Variants in GPR107 observed in about 807,000 individuals in gnomAD.
GPR107 encodes the protein protein GPR107.
In GPR107, 31 loss-of-function variants were observed where a neutral mutation model predicts 75.5. The ratio of observed to expected loss-of-function variants is 0.41; its 90% confidence interval spans 0.31 to 0.55. GPR107 has a LOEUF of 0.55. Ranked by LOEUF, GPR107 falls within the 20% of genes least tolerant of loss-of-function variation. The pLI is 0.26. For missense variants in GPR107, 572 were observed against 665.7 expected, an observed-to-expected ratio of 0.86 and a Z score of 1.55; for synonymous variants, 267 against 251.3, an observed-to-expected ratio of 1.06 and a Z score of -0.59.
chr9:130,108,034 T>G (rs1831202155), intron 14 of GPR107, among the ~76,000 whole-genome samples: 1 of 152,238 alleles, frequency 6.6e-6, no homozygotes, highest in African/African-American at 2.4e-5. Context: ...GTTGTGCCCT[T>G]TATAGCCCTT....
At chr9:130,125,145 C>G (rs1405371957) in intron 15 of GPR107, among the ~76,000 whole-genome samples, 181 bp downstream of exon 15, 1 of 119,578 alleles carries the variant, frequency 8.4e-6, no homozygotes, top group African/African-American at 3.3e-5. Flanking sequence ...GTCACCCAGG[C>G]TGGAGTGCAG....
intron 14 of GPR107, among the ~76,000 whole-genome samples, chr9:130,115,470 A>T (rs1447721739): frequency 1.5e-5 from 1 of 67,822 alleles, no homozygotes; most frequent in Admixed American, 1.5e-4. Context: ...GTTTTCTTTT[A>T]AAAAAAAAAA....
chr9:130,087,387 G>T (rs929349653), intron 7 of GPR107, among the ~76,000 whole-genome samples: 2 of 152,036 alleles, frequency 1.3e-5, no homozygotes, highest in African/African-American at 2.4e-5. Flanking sequence ...ATAAAAAATG[G>T]CAGGGCGTGG....
chr9:130,072,497 G>A (rs376162371), intron 1 of GPR107, among the ~76,000 whole-genome samples: 1 of 151,876 alleles, frequency 6.6e-6, no homozygotes, highest in African/African-American at 2.4e-5. Flanking sequence ...GGGATTACAG[G>A]TGTGAGCCAC....
intron 9 of GPR107, among the ~76,000 whole-genome samples, chr9:130,097,377 A>C (rs1830900326): frequency 6.7e-6 from 1 of 149,732 alleles, no homozygotes. Context: ...CAGGTCTTGA[A>C]CTCCTGGCCT....
chr9:130,070,163 A>ATTT (rs559425211), intron 1 of GPR107, among the ~76,000 whole-genome samples: 1 of 125,014 alleles, frequency 8.0e-6, no homozygotes, highest in African/African-American at 3.0e-5. Flanking sequence ...CACCCGGCTA[A>ATTT]TTTTTTTTTT....
At chr9:130,077,509 G>A in intron 4 of GPR107, 131 bp downstream of exon 4, 3 of 637,194 alleles carry the variant, frequency 4.7e-6, no homozygotes, top group East Asian at 5.4e-5. Flanking sequence ...TCAAGACAAG[G>A]CTAGGGAGAC....
rs117684547 is a variant in GPR107, at chr9:130,118,737, G to A, written c.1307-6178G>A. Among the ~76,000 whole-genome samples, 24 of 152,214 alleles carry A rather than the reference G, an allele frequency of 1.6e-4. No homozygotes were observed. In the East Asian group the frequency reaches 4.6e-3, roughly 29 times the overall value. ...GCCTGATTCCCTAAGATGGGCAGGG[G>A]CAGGGGCAGCCTGGGCATCTATACT... On this transcript the variant is annotated intron_variant, in intron 14 of 17. Transcript: ENST00000347136.
chr9:130,105,881 A>G (rs1385802433), intron 13 of GPR107, among the ~76,000 whole-genome samples: 2 of 151,422 alleles, frequency 1.3e-5, no homozygotes, highest in Non-Finnish European at 2.9e-5. Flanking sequence ...GCTGGTCTCA[A>G]ACTCCTGGGT....
intron 14 of GPR107, among the ~76,000 whole-genome samples, chr9:130,122,992 CA>C (rs1239711527): frequency 2.0e-5 from 3 of 151,536 alleles, no homozygotes; most frequent in Non-Finnish European, 4.4e-5. Flanking sequence ...AGACCTCTCT[CA>C]AAAAAAACAA....
At chr9:130,090,076 G>A (rs1057231923) in intron 7 of GPR107, among the ~76,000 whole-genome samples, 2 of 152,100 alleles carry the variant, frequency 1.3e-5, no homozygotes, top group South Asian at 2.1e-4. Flanking sequence ...AAATGCTACC[G>A]TAGTCACTTC....
At chr9:130,082,819 C>G (rs939501291) in intron 5 of GPR107, among the ~76,000 whole-genome samples, 6 of 151,940 alleles carry the variant, frequency 3.9e-5, no homozygotes, top group African/African-American at 1.5e-4. Context: ...GATGCCCACT[C>G]TGTTCCATGA....
chr9:130,127,686 C>CT (rs896174749), intron 16 of GPR107, 120 bp downstream of exon 16: 30 of 613,742 alleles, frequency 4.9e-5, no homozygotes, highest in Admixed American at 2.4e-4. Flanking sequence ...TCCATCTCTT[C>CT]TTTTTTTTAA....
At chr9:130,087,805 C>CAAAAAAAAAAAAAA (rs35984705) in intron 7 of GPR107, among the ~76,000 whole-genome samples, 3 of 87,632 alleles carry the variant, frequency 3.4e-5, no homozygotes, top group African/African-American at 4.5e-5. Flanking sequence ...GACCCTGTCT[C>CAAAAAAAAAAAAAA]AAAAAAAAAA....
At chr9:130,089,500 G>C (rs1467192242) in intron 7 of GPR107, among the ~76,000 whole-genome samples, 2 of 152,164 alleles carry the variant, frequency 1.3e-5, no homozygotes, top group Non-Finnish European at 2.9e-5. Context: ...ATGGCGTGGG[G>C]ATAGTGGTTT....
chr9:130,118,019 A>G (rs1831466971), intron 14 of GPR107, among the ~76,000 whole-genome samples: 1 of 152,178 alleles, frequency 6.6e-6, no homozygotes, highest in Non-Finnish European at 1.5e-5. Context: ...AAGGTTATGA[A>G]CTGCCTTTCC....
chr9:130,065,415 C>T (rs1359288818), intron 1 of GPR107, among the ~76,000 whole-genome samples: 1 of 150,152 alleles, frequency 6.7e-6, no homozygotes, highest in East Asian at 2.0e-4. Context: ...CCAGCCTGGA[C>T]AACAAGAGTG....
At chr9:130,092,702 G>A (rs113694511) in intron 9 of GPR107, among the ~76,000 whole-genome samples, 5,072 of 151,640 alleles carry the variant, frequency 0.033, 285 homozygotes, top group African/African-American at 0.12. Context: ...TGCAAGCTCC[G>A]CCTCCTGTGT....
intron 12 of GPR107, among the ~76,000 whole-genome samples, chr9:130,102,714 G>A (rs1282975794): frequency 6.6e-6 from 1 of 152,152 alleles, no homozygotes; most frequent in Non-Finnish European, 1.5e-5. Flanking sequence ...GGAACATTCT[G>A]TCTCTCATGC....
Sources: allele counts gnomAD v4.1 joint callset (sites outside exome capture counted in the v4.1 genomes callset), GRCh38; gene constraint gnomAD v4.1.1; transcripts MANE v1.5; gene names NCBI Gene and HGNC (gene_info 2026-07-23, HGNC 2026-07-21).